The following TTC12 variants were observed in gnomAD, a reference collection of about 807,000 sequenced individuals.
TTC12 encodes the protein tetratricopeptide repeat domain 12.
A neutral mutation model predicts 90.1 loss-of-function variants in TTC12; 70 were observed. The ratio of observed to expected loss-of-function variants is 0.78; its 90% confidence interval spans 0.64 to 0.95. The LOEUF (loss-of-function observed/expected upper bound fraction) is 0.95. Among genes scored for constraint, TTC12 ranks in the 40% least tolerant of loss-of-function variants. TTC12 has a pLI of 0.00. For missense variants in TTC12, 819 were observed against 846.1 expected (o/e 0.97, Z 0.40); for synonymous variants, 296 against 311.5 (o/e 0.95, Z 0.53).
rs367770762 is a variant in TTC12 at position 113,338,766 on chromosome 11, T to C, written c.577-8T>C. ...ACCACTCTTCAAGGTCTTGTTTCTTTTTTCCAGTCTAGAGAGTGTTATAAG... is the reference window on the plus strand; with the variant it reads ...ACCACTCTTCAAGGTCTTGTTTCTTCTTTCCAGTCTAGAGAGTGTTATAAG... On this transcript the variant is annotated splice_region_variant and splice_polypyrimidine_tract_variant and intron_variant, in intron 8 of 21. Coordinates refer to ENST00000529221, the MANE Select transcript of TTC12 (RefSeq NM_017868.4). 1.9e-6 allele frequency: 3 copies of C among 1,612,994 alleles called. No individual in the cohort carries two copies. The highest frequency in any genetic ancestry group is 2.5e-6 in the Non-Finnish European group (3 of 1,179,120).
At chr11:113,343,640 GCT>G (rs1490274540) in intron 12 of TTC12, among the ~76,000 whole-genome samples, 1 of 152,144 alleles carries the variant, frequency 6.6e-6, no homozygotes, top group African/African-American at 2.4e-5. Flanking sequence ...GATCCAGTTT[GCT>G]CTGTTTCCTA....
chr11:113,349,923 C>T (rs1949171721), intron 13 of TTC12, 150 bp from the exon 14 acceptor site: 1 of 657,970 alleles, frequency 1.5e-6, no homozygotes, highest in Non-Finnish European at 2.7e-6. Context: ...GGGCAAGGAG[C>T]TAGGCTTCCT....
intron 20 of TTC12, 90 bp from the exon 21 acceptor site, chr11:113,364,745 T>C: frequency 9.6e-7 from 1 of 1,038,436 alleles, no homozygotes; most frequent in South Asian, 1.4e-5. Flanking sequence ...CGGTGTCCGC[T>C]GACATCTCCC....
chr11:113,325,905 G>A (rs1947662170), intron 6 of TTC12, among the ~76,000 whole-genome samples: 1 of 152,134 alleles, frequency 6.6e-6, no homozygotes, highest in South Asian at 2.1e-4. Flanking sequence ...CATAGTATAA[G>A]TCAGCTCCAT....
intron 16 of TTC12, among the ~76,000 whole-genome samples, chr11:113,357,589 C>T (rs781874496): frequency 6.6e-6 from 1 of 152,082 alleles, no homozygotes; most frequent in South Asian, 2.1e-4. Flanking sequence ...AGATTGCTGA[C>T]CTTTGGATAA....
intron 19 of TTC12, among the ~76,000 whole-genome samples, chr11:113,363,453 C>G (rs563989738): frequency 6.6e-6 from 1 of 152,356 alleles, no homozygotes; most frequent in Admixed American, 6.5e-5. Flanking sequence ...ACAGCCTTAG[C>G]AAGTCAGTCC....
In TTC12 at chr11:113,344,510, T is replaced by C. The variant is rs1243351548; in HGVS notation, c.1154+70T>C. On this transcript the variant is annotated intron_variant, in intron 13 of 21. Coordinates refer to ENST00000529221, the MANE Select transcript of TTC12 (RefSeq NM_017868.4). ...CACTTGACAAGTTCAGGCATGCCTG[T>C]CTCCCCTCCTATCTCTGTTGTGTGA... is the stretch of plus-strand genomic sequence containing the variant. The C allele has an allele frequency of 1.1e-5, 16 of 1,440,516 alleles. No individual in the cohort carries two copies. The African/African-American group carries it at 1.7e-4, about 15-fold the overall frequency. 89.2% of individuals were successfully genotyped at this position (1,440,516 alleles called of 1,614,324 possible).
At chr11:113,343,148 A>T (rs1555146738) in intron 12 of TTC12, among the ~76,000 whole-genome samples, 1 of 152,230 alleles carries the variant, frequency 6.6e-6, no homozygotes, top group Non-Finnish European at 1.5e-5. Flanking sequence ...TATGTCAGTC[A>T]TCTATTGTGG....
intron 11 of TTC12, 120 bp from the exon 12 acceptor site, chr11:113,341,717 T>TA: frequency 1.2e-6 from 1 of 809,218 alleles, no homozygotes; most frequent in Non-Finnish European, 2.1e-6. Flanking sequence ...CTCTGGATTA[T>TA]AAAACTATAC....
At chr11:113,358,612 AG>A (rs1565623281) in intron 16 of TTC12, among the ~76,000 whole-genome samples, 1 of 152,148 alleles carries the variant, frequency 6.6e-6, no homozygotes, top group African/African-American at 2.4e-5. Context: ...CTCCTGTGGG[AG>A]CAAGTTGAGC....
intron 4 of TTC12, 102 bp from the exon 5 acceptor site, chr11:113,324,503 T>C (rs1947558658): frequency 7.3e-6 from 6 of 818,606 alleles, no homozygotes; most frequent in Admixed American, 2.3e-5. Flanking sequence ...TGTGTGCATA[T>C]GCATACGTGT....
chr11:113,317,495 C>G (rs558451547), intron 2 of TTC12, among the ~76,000 whole-genome samples: 1 of 152,158 alleles, frequency 6.6e-6, no homozygotes, highest in East Asian at 1.9e-4. Flanking sequence ...TGTTCTGGTT[C>G]TTCTCACCCA....
chr11:113,347,025 G>A (rs1228871375), intron 13 of TTC12, among the ~76,000 whole-genome samples: 1 of 152,172 alleles, frequency 6.6e-6, no homozygotes, highest in African/African-American at 2.4e-5. Context: ...TAGGTGCTGA[G>A]TCCAGTTAGG....
chr11:113,342,782 T>G (rs573276879), intron 12 of TTC12, among the ~76,000 whole-genome samples: 5 of 152,298 alleles, frequency 3.3e-5, no homozygotes, highest in African/African-American at 1.2e-4. Context: ...AGGGGAGTTA[T>G]GCCCAGACTA....
chr11:113,324,483 T>G, intron 4 of TTC12, 122 bp from the exon 5 acceptor site: 1 of 671,458 alleles, frequency 1.5e-6, no homozygotes, highest in Non-Finnish European at 2.6e-6. Context: ...TGTGTGTGCG[T>G]GTGTGTGCCT....
In TTC12 at chr11:113,323,880, T is replaced by A. The variant is rs1300039709; in HGVS notation, c.223-114T>A. On this transcript the variant is annotated intron_variant, in intron 3 of 21. Coordinates refer to ENST00000529221, the MANE Select transcript of TTC12 (RefSeq NM_017868.4). ...TTCTGAGCCCTTCAGTTTTGATGGT[T>A]AAAAGAAATGACCTCTTGTTTGTAA... is the stretch of plus-strand genomic sequence containing the variant. 3.7e-6 allele frequency: 3 copies of A among 807,676 alleles called. No individual in the cohort carries two copies. In the East Asian group the frequency reaches 8.2e-5, roughly 22 times the overall value. The allele number at this position is 807,676 out of a possible 1,614,324, so 50.0% of individuals were successfully genotyped here. A position where few individuals can be genotyped will look rare whatever the true frequency, so the allele number is the denominator to read the frequency against.
At chr11:113,334,370 G>A (rs937884777) in intron 7 of TTC12, among the ~76,000 whole-genome samples, 1 of 152,048 alleles carries the variant, frequency 6.6e-6, no homozygotes, top group African/African-American at 2.4e-5. Context: ...TTTGAAGGGG[G>A]CATCCCTACT....
intron 13 of TTC12, among the ~76,000 whole-genome samples, chr11:113,345,684 G>GCAGAT (rs1948911988): frequency 6.6e-6 from 1 of 152,224 alleles, no homozygotes; most frequent in African/African-American, 2.4e-5. Context: ...CACGGCAGAT[G>GCAGAT]CAGATTGTTA....
downstream of TTC12, chr11:113,368,255 G>C (rs1429600392): frequency 2.6e-6 from 4 of 1,521,846 alleles, no homozygotes; most frequent in Non-Finnish European, 3.5e-6. Context: ...CTGTCTCCTC[G>C]CAGGTGGGAA....
Sources: gnomAD v4.1 joint callset for allele counts (sites outside exome capture counted in the v4.1 genomes callset) on GRCh38, gnomAD v4.1.1 for gene constraint, MANE v1.5 for transcripts, NCBI Gene and HGNC (gene_info 2026-07-23, HGNC 2026-07-21) for gene names.